Variants in MICAL3 observed in about 807,000 individuals in gnomAD.
MICAL3 encodes microtubule associated monooxygenase, calponin and LIM domain containing 3.
Under a neutral mutation model 207.4 loss-of-function variants are expected in MICAL3, and 62 were observed. The observed-to-expected ratio is 0.30, with a 90% CI of 0.24 to 0.37. The LOEUF (loss-of-function observed/expected upper bound fraction) is 0.37. Among genes scored for constraint, MICAL3 ranks in the 10% least tolerant of loss-of-function variants. The pLI is 1.00. For missense variants in MICAL3, 2,368 were observed against 2,635.6 expected (o/e 0.90, Z 2.22); for synonymous variants, 1,077 against 1,069.3 (o/e 1.01, Z -0.14).
intron 10 of MICAL3, among the ~76,000 whole-genome samples, chr22:17,894,572 G>A (rs1930664467): frequency 6.6e-6 from 1 of 151,690 alleles, no homozygotes; most frequent in Non-Finnish European, 1.5e-5. Context: ...GGCACGGTGG[G>A]CAGATCACAA....
At chr22:17,967,348 C>A (rs1935185371) in intron 1 of MICAL3, among the ~76,000 whole-genome samples, 2 of 145,408 alleles carry the variant, frequency 1.4e-5, no homozygotes, top group Admixed American at 6.8e-5. Flanking sequence ...ACGGCATCTA[C>A]ATACCCTGCA....
intron 16 of MICAL3, chr22:17,879,423 AC>A: frequency 1.2e-6 from 2 of 1,604,252 alleles, no homozygotes; most frequent in Non-Finnish European, 1.7e-6. Flanking sequence ...CAAAGTAGAA[AC>A]TTAAGCTCCA....
At chr22:17,883,098 G>A (rs1929581224) in intron 16 of MICAL3, among the ~76,000 whole-genome samples, 1 of 152,172 alleles carries the variant, frequency 6.6e-6, no homozygotes, top group African/African-American at 2.4e-5. Context: ...CCAATTTGGA[G>A]TTCACCTTCC....
chr22:17,868,537 T>C (rs1927382190), intron 17 of MICAL3, among the ~76,000 whole-genome samples: 1 of 152,192 alleles, frequency 6.6e-6, no homozygotes, highest in Non-Finnish European at 1.5e-5. Flanking sequence ...TCCAGGATGC[T>C]GGTGCCAGAG....
At chr22:17,929,440 G>T (rs1356394180) in intron 1 of MICAL3, among the ~76,000 whole-genome samples, 1 of 151,568 alleles carries the variant, frequency 6.6e-6, no homozygotes, top group Non-Finnish European at 1.5e-5. Flanking sequence ...TGTAAGTTGG[G>T]TTATTTAACT....
chr22:17,876,811 G>C (rs62240564), intron 16 of MICAL3: 1 of 40,628 alleles, frequency 2.5e-5, no homozygotes, highest in South Asian at 6.5e-4. Flanking sequence ...ATGGAGGTTA[G>C]GGAGGTTAGG....
At chr22:17,808,207 C>A (rs565920674) in intron 29 of MICAL3, among the ~76,000 whole-genome samples, 1 of 152,226 alleles carries the variant, frequency 6.6e-6, no homozygotes, top group Non-Finnish European at 1.5e-5. Flanking sequence ...GCTTCCCTGC[C>A]AGGAGCAGCA....
At chr22:17,832,449 G>C (rs1922904048) in intron 20 of MICAL3, among the ~76,000 whole-genome samples, 1 of 152,204 alleles carries the variant, frequency 6.6e-6, no homozygotes, top group Non-Finnish European at 1.5e-5. Context: ...AGAACTGGGA[G>C]AGCAGCTCCT....
At chr22:17,962,925 T>A (rs116487242) in intron 1 of MICAL3, among the ~76,000 whole-genome samples, 3,104 of 152,116 alleles carry the variant, frequency 0.02, 62 homozygotes, top group African/African-American at 0.042. Context: ...AATTTTTTTT[T>A]AAAAAATTTT....
In MICAL3 at chr22:17,801,297, C is replaced by T. The variant is rs1346812305; in HGVS notation, c.5650+7547G>A. On this transcript the variant is annotated intron_variant, in intron 29 of 31. Transcript: ENST00000441493. Reference sequence around the variant, plus strand: ...CCTCCCAAGTAGCCGGGACTACAGGCGCCCGCCACTACGCCCGGCTAATTT... The same window carrying T: ...CCTCCCAAGTAGCCGGGACTACAGGTGCCCGCCACTACGCCCGGCTAATTT... Among the ~76,000 whole-genome samples, 5 of 103,766 alleles carry T rather than the reference C, an allele frequency of 4.8e-5. 1 individual carries two copies. The highest frequency in any genetic ancestry group is 3.1e-4 in the South Asian group (1 of 3,202). 68.1% of individuals were successfully genotyped at this position (103,766 alleles called of 152,430 possible).
chr22:17,901,589 G>A (rs1602182318), intron 5 of MICAL3, among the ~76,000 whole-genome samples: 1 of 152,212 alleles, frequency 6.6e-6, no homozygotes, highest in Non-Finnish European at 1.5e-5. Context: ...AGACTCGCTT[G>A]AGACCAGGGA....
In MICAL3 at chr22:17,789,663, G is replaced by A. The variant is rs1219989722; in HGVS notation, c.*1069C>T. The stretch of plus-strand genomic sequence containing the variant: ...CCAGGCCAGTGATACGAAGAGAAAG[G>A]CTAATAAATAGATGCACGTGAGGAG... On this transcript the variant is annotated 3_prime_UTR_variant, in exon 32 of 32. Coordinates refer to ENST00000441493, the MANE Select transcript of MICAL3 (RefSeq NM_015241.3). 6.6e-6 allele frequency: 1 copy of A among 152,266 alleles called. No individual in the cohort carries two copies. Among genetic ancestry groups the A allele is most frequent in the East Asian group, 1.9e-4 (1 of 5,190 alleles). The allele number at this position is 152,266 out of a possible 1,614,324, so 9.4% of individuals were successfully genotyped here. A position where few individuals can be genotyped will look rare whatever the true frequency, so the allele number is the denominator to read the frequency against.
chr22:17,904,577 G>T, intron 3 of MICAL3, 55 bp downstream of exon 3: 2 of 1,339,318 alleles, frequency 1.5e-6, no homozygotes, highest in African/African-American at 1.4e-5. Context: ...TCTTTCTACT[G>T]AACAAGCGTG....
At chr22:18,013,342 C>A (rs1270742658) in intron 1 of MICAL3, among the ~76,000 whole-genome samples, 1 of 152,222 alleles carries the variant, frequency 6.6e-6, no homozygotes, top group Admixed American at 6.5e-5. Flanking sequence ...TCAGAAAGCC[C>A]TAGAGGTGTA....
chr22:17,910,421 C>T (rs1932049047), intron 1 of MICAL3, among the ~76,000 whole-genome samples: 1 of 152,228 alleles, frequency 6.6e-6, no homozygotes, highest in Admixed American at 6.5e-5. Flanking sequence ...TGTCCCCAAT[C>T]CTTCTGCTAG....
At chr22:18,008,822 C>T (rs900589769) in intron 1 of MICAL3, among the ~76,000 whole-genome samples, 5 of 151,610 alleles carry the variant, frequency 3.3e-5, no homozygotes, top group African/African-American at 9.7e-5. Flanking sequence ...CCCGTAGTCC[C>T]GGCACTTTGG....
intron 15 of MICAL3, among the ~76,000 whole-genome samples, 186 bp from the exon 16 acceptor site, chr22:17,886,237 G>A (rs1268659227): frequency 6.6e-6 from 1 of 152,226 alleles, no homozygotes; most frequent in Non-Finnish European, 1.5e-5. Flanking sequence ...ACTGGGACCT[G>A]TGCTGGTACT....
At chr22:17,937,289 T>C (rs9605439) in intron 1 of MICAL3, among the ~76,000 whole-genome samples, 35,018 of 152,174 alleles carry the variant, frequency 0.23, 4,624 homozygotes, top group East Asian at 0.52. Context: ...GACCCATCAA[T>C]TCTCCAAGGA....
chr22:17,951,632 A>G (rs1287741675), intron 1 of MICAL3, among the ~76,000 whole-genome samples: 1 of 152,134 alleles, frequency 6.6e-6, no homozygotes, highest in Non-Finnish European at 1.5e-5. Flanking sequence ...ACAGTCTTCC[A>G]TTATGGAATA....
Sources: gnomAD v4.1 joint callset for allele counts (sites outside exome capture counted in the v4.1 genomes callset) on GRCh38, gnomAD v4.1.1 for gene constraint, MANE v1.5 for transcripts, NCBI Gene and HGNC (gene_info 2026-07-23, HGNC 2026-07-21) for gene names.